Variants in NAV2 observed in about 807,000 individuals in gnomAD.
The protein encoded by NAV2 is helicase, APC down-regulated 1.
Under a neutral mutation model 223.2 loss-of-function variants are expected in NAV2, and 54 were observed. That is an observed-to-expected ratio of 0.24 (90% CI 0.19 to 0.30). The LOEUF is 0.30. NAV2 is among the 10% of genes least tolerant of loss of function. The pLI is 1.00. For missense variants in NAV2, 2,806 were observed against 3,147.5 expected, an observed-to-expected ratio of 0.89 and a Z score of 2.60; for synonymous variants, 1,279 against 1,239.3, an observed-to-expected ratio of 1.03 and a Z score of -0.67.
chr11:20,080,439 A>T (rs183253419), intron 25 of NAV2, among the ~76,000 whole-genome samples: 65 of 152,302 alleles, frequency 4.3e-4, no homozygotes, highest in African/African-American at 1.5e-3. Context: ...TTTCTCTTTC[A>T]TGAGACTTTT....
intron 28 of NAV2, 126 bp downstream of exon 28, chr11:20,092,494 G>A: frequency 1.0e-6 from 1 of 964,086 alleles, no homozygotes; most frequent in Non-Finnish European, 1.6e-6. Flanking sequence ...GTGTGCACTT[G>A]GGGTGTGTAT....
At chr11:19,871,920 C>T (rs1008756392) in intron 4 of NAV2, among the ~76,000 whole-genome samples, 1 of 152,130 alleles carries the variant, frequency 6.6e-6, no homozygotes, top group Non-Finnish European at 1.5e-5. Context: ...TGCCTTGCCT[C>T]CTTGGTGAGG....
intron 10 of NAV2, among the ~76,000 whole-genome samples, chr11:19,959,104 C>G (rs892333469): frequency 2.6e-5 from 4 of 152,200 alleles, no homozygotes; most frequent in Admixed American, 2.0e-4. Context: ...GATGTCTGTC[C>G]TCAGCATCCT....
chr11:19,753,307 T>G (rs2053982469), intron 1 of NAV2, among the ~76,000 whole-genome samples: 1 of 152,226 alleles, frequency 6.6e-6, no homozygotes, highest in Non-Finnish European at 1.5e-5. Context: ...TCCCTCTGTT[T>G]GGATAGCCCT....
At chr11:19,983,880 G>T (rs1199628812) in intron 10 of NAV2, among the ~76,000 whole-genome samples, 1 of 152,172 alleles carries the variant, frequency 6.6e-6, no homozygotes, top group Non-Finnish European at 1.5e-5. Flanking sequence ...GTACCTGTGA[G>T]TTTGGGTTAA....
chr11:20,066,886 G>C (rs1260777697), intron 20 of NAV2, among the ~76,000 whole-genome samples: 1 of 152,202 alleles, frequency 6.6e-6, no homozygotes, highest in African/African-American at 2.4e-5. Flanking sequence ...TGGGTAGAGA[G>C]AAGGTCAGGA....
chr11:19,433,041 G>A (rs1851090652), intron 1 of NAV2, among the ~76,000 whole-genome samples: 3 of 152,214 alleles, frequency 2.0e-5, no homozygotes. Flanking sequence ...ACAAGCTGGA[G>A]TATGTTCTGA....
chr11:19,954,397 C>A (rs1284284359), intron 10 of NAV2, among the ~76,000 whole-genome samples: 1 of 152,138 alleles, frequency 6.6e-6, no homozygotes, highest in Admixed American at 6.5e-5. Flanking sequence ...GGAACTCATT[C>A]ATGCTGAATT....
intron 1 of NAV2, among the ~76,000 whole-genome samples, chr11:19,636,813 T>C (rs2047515934): frequency 1.3e-5 from 2 of 152,168 alleles, no homozygotes. Flanking sequence ...CTGTGAAGGA[T>C]GCTAAAACTT....
Position 19,952,699 on chromosome 11 carries a change from A to G in NAV2, c.2645+3619A>G, listed in dbSNP as rs141734245. ...AAGTGATGCTGTACTTCGGCTTGGC[A>G]TAACAGCTATTTTTTGATGCCTCTA... On this transcript the variant is annotated intron_variant, in intron 10 of 37. Transcript: ENST00000349880. 8.1e-3 allele frequency among the ~76,000 whole-genome samples: 1,236 copies of G among 152,336 alleles called. 13 individuals carry two copies. The highest frequency in any genetic ancestry group is 0.029 in the African/African-American group (1,185 of 41,576).
chr11:19,871,855 T>G (rs189331573), intron 4 of NAV2, among the ~76,000 whole-genome samples: 63 of 152,240 alleles, frequency 4.1e-4, no homozygotes, highest in Admixed American at 4.1e-3. Context: ...ACCCCCACTT[T>G]GAGCGATTCT....
intron 11 of NAV2, among the ~76,000 whole-genome samples, chr11:20,026,329 G>C (rs2055067500): frequency 6.7e-6 from 1 of 149,854 alleles, no homozygotes; most frequent in East Asian, 2.0e-4. Flanking sequence ...TATTTTTTTT[G>C]AGACAGAGTC....
At chr11:19,958,681 G>T (rs1035941573) in intron 10 of NAV2, among the ~76,000 whole-genome samples, 1 of 152,220 alleles carries the variant, frequency 6.6e-6, no homozygotes, top group Non-Finnish European at 1.5e-5. Flanking sequence ...CACTCAGCAG[G>T]GTTCGCTACC....
chr11:20,070,293 G>C (rs1038746992), intron 22 of NAV2, among the ~76,000 whole-genome samples: 1 of 152,170 alleles, frequency 6.6e-6, no homozygotes, highest in Non-Finnish European at 1.5e-5. Flanking sequence ...TGGTTTGACA[G>C]CAAACCCCTG....
intron 10 of NAV2, among the ~76,000 whole-genome samples, chr11:19,967,293 T>A (rs1395847965): frequency 6.6e-6 from 1 of 152,062 alleles, no homozygotes; most frequent in African/African-American, 2.4e-5. Context: ...TTCAACTGGA[T>A]TCATAGAATA....
intron 1 of NAV2, among the ~76,000 whole-genome samples, chr11:19,475,853 C>T (rs574994553): frequency 1.2e-4 from 19 of 152,366 alleles, no homozygotes; most frequent in African/African-American, 3.8e-4. Context: ...CAACTTTTGT[C>T]GTGCATGTTC....
intron 6 of NAV2, among the ~76,000 whole-genome samples, chr11:19,906,292 A>C (rs547673271): frequency 1.3e-5 from 2 of 152,192 alleles, no homozygotes; most frequent in African/African-American, 4.8e-5. Context: ...GAAAGAGGAC[A>C]CCAGTTTTTG....
At chr11:19,730,962 C>G (rs1010321442) in intron 1 of NAV2, among the ~76,000 whole-genome samples, 1 of 152,174 alleles carries the variant, frequency 6.6e-6, no homozygotes, top group Non-Finnish European at 1.5e-5. Flanking sequence ...AATGACAAAG[C>G]CTGAACCAAG....
chr11:19,793,206 C>CAAAAAA (rs557365857), intron 1 of NAV2, among the ~76,000 whole-genome samples: 1 of 58,270 alleles, frequency 1.7e-5, no homozygotes, highest in Non-Finnish European at 3.5e-5. Flanking sequence ...CACTCTGTCT[C>CAAAAAA]AAAAAAAAAA....
Sources: gnomAD v4.1 joint callset for allele counts (sites outside exome capture counted in the v4.1 genomes callset) on GRCh38, gnomAD v4.1.1 for gene constraint, MANE v1.5 for transcripts, NCBI Gene and HGNC (gene_info 2026-07-23, HGNC 2026-07-21) for gene names.